ASB4: variants seen among roughly 807,000 people sequenced by gnomAD.
ASB4 encodes the protein ankyrin repeat and SOCS box protein 4.
Under a neutral mutation model 38.6 loss-of-function variants are expected in ASB4, and 35 were observed. The observed-to-expected ratio is 0.91, with a 90% CI of 0.69 to 1.20. The LOEUF (loss-of-function observed/expected upper bound fraction) is 1.20, where lower values mean the gene tolerates loss of function less well. ASB4 is among the 50% of genes most tolerant of loss of function. The probability of loss-of-function intolerance (pLI) is 0.00; values close to 1 mark genes in which losing one functional copy is unlikely to be tolerated. For missense variants in ASB4, 557 were observed against 527.2 expected, an observed-to-expected ratio of 1.06 and a Z score of -0.55; for synonymous variants, 195 against 201.3, an observed-to-expected ratio of 0.97 and a Z score of 0.26.
intron 2 of ASB4, among the ~76,000 whole-genome samples, chr7:95,510,351 T>A (rs1383884544): frequency 6.6e-6 from 1 of 152,190 alleles, no homozygotes; most frequent in African/African-American, 2.4e-5. Flanking sequence ...CTGGATTTGC[T>A]CCAACAAGGG....
the ASB4 span, among the ~76,000 whole-genome samples, chr7:95,550,132 A>G: frequency 0.43 from 65,166 of 152,032 alleles, 14,341 homozygotes; most frequent in East Asian, 0.82. Context: ...AGGTTCCCTA[A>G]AAATTTATCT....
chr7:95,490,233 C>G (rs1325652894), intron 1 of ASB4, among the ~76,000 whole-genome samples: 1 of 152,214 alleles, frequency 6.6e-6, no homozygotes, highest in East Asian at 1.9e-4. Context: ...TGTGAAAGCT[C>G]TTATTTCCAC....
intron 2 of ASB4, among the ~76,000 whole-genome samples, chr7:95,510,682 T>C (rs1400424640): frequency 6.6e-6 from 1 of 152,184 alleles, no homozygotes; most frequent in Non-Finnish European, 1.5e-5. Flanking sequence ...AGAGGAAAAG[T>C]AGTAATCACA....
At chr7:95,503,742 G>A (rs1790371572) in intron 2 of ASB4, among the ~76,000 whole-genome samples, 1 of 152,160 alleles carries the variant, frequency 6.6e-6, no homozygotes, top group Admixed American at 6.5e-5. Flanking sequence ...ACAGAAGTCC[G>A]TTAGAGGAAG....
chr7:95,514,920 G>GA (rs1298452065), intron 2 of ASB4, among the ~76,000 whole-genome samples: 3 of 152,180 alleles, frequency 2.0e-5, no homozygotes, highest in Non-Finnish European at 4.4e-5. Context: ...GGGAGCTGGA[G>GA]AAAAAACTTC....
At chr7:95,487,615 TG>T (rs1056045620) in intron 1 of ASB4, among the ~76,000 whole-genome samples, 9 of 151,598 alleles carry the variant, frequency 5.9e-5, no homozygotes, top group Admixed American at 5.3e-4. Context: ...AGGGGAGAGG[TG>T]GGGTTGGTTC....
At chr7:95,488,976 G>A (rs747027560) in intron 1 of ASB4, among the ~76,000 whole-genome samples, 5 of 152,162 alleles carry the variant, frequency 3.3e-5, no homozygotes, top group Non-Finnish European at 5.9e-5. Context: ...ACATTTGATA[G>A]TCCTATAGAA....
chr7:95,499,768 A>G (rs1790305980), intron 2 of ASB4, among the ~76,000 whole-genome samples: 1 of 152,104 alleles, frequency 6.6e-6, no homozygotes, highest in African/African-American at 2.4e-5. Context: ...GAAATGATTC[A>G]TAGAAAGAAA....
At chr7:95,536,596 C>A in intron 4 of ASB4, 46 bp downstream of exon 4, 1 of 1,384,270 alleles carries the variant, frequency 7.2e-7, no homozygotes, top group African/African-American at 1.4e-5. Context: ...TCAAGTACTT[C>A]CAGACTGCTC....
At chr7:95,471,357 T>C in the ASB4 span, among the ~76,000 whole-genome samples, 2 of 152,332 alleles carry the variant, frequency 1.3e-5, no homozygotes, top group South Asian at 4.1e-4. Flanking sequence ...GTGAATTCTG[T>C]TCTTGCCCTT....
chr7:95,551,228 G>T, the ASB4 span, among the ~76,000 whole-genome samples: 1 of 152,116 alleles, frequency 6.6e-6, no homozygotes, highest in Non-Finnish European at 1.5e-5. Context: ...ACATCCACTC[G>T]GCTTGGCCTC....
At chr7:95,473,073 T>C in the ASB4 span, among the ~76,000 whole-genome samples, 1 of 152,132 alleles carries the variant, frequency 6.6e-6, no homozygotes, top group East Asian at 1.9e-4. Flanking sequence ...GGACGGGCAG[T>C]GAGCTGATTT....
chr7:95,487,641 G>A (rs988948298), intron 1 of ASB4, among the ~76,000 whole-genome samples: 20 of 152,120 alleles, frequency 1.3e-4, no homozygotes, highest in African/African-American at 4.8e-4. Flanking sequence ...ACTTCCACCG[G>A]TGTCATCTTC....
chr7:95,537,344 A>G (rs974504195), intron 4 of ASB4, among the ~76,000 whole-genome samples: 1 of 152,182 alleles, frequency 6.6e-6, no homozygotes, highest in Non-Finnish European at 1.5e-5. Context: ...TGCATATTTT[A>G]TCTTATCTCC....
At position 95,527,978 on chromosome 7, in the gene ASB4, G is replaced by A; in HGVS notation, c.653G>A (p.Trp218Ter). The change falls in exon 3 of 5, where the codon TGG (tryptophan) becomes TAG (stop). Residue 218 changes from tryptophan (W) to a stop codon, truncating the protein, a stop_gained. Coordinates refer to ENST00000325885, the MANE Select transcript of ASB4 (RefSeq NM_016116.3). LOFTEE classifies it high-confidence loss of function. ...METPLAIAAY[W>*]ALRFKEQEYS... ...ACCCCCCTGGCCATCGCCGCCTACT[G>A]GGCCCTCCGCTTTAAGGAGCAGGAG... 1 of 1,614,072 alleles carries A rather than the reference G, an allele frequency of 6.2e-7. No individual in the cohort carries two copies. Among genetic ancestry groups the A allele is most frequent in the Non-Finnish European group, 8.5e-7 (1 of 1,180,022 alleles).
chr7:95,479,110 T>A (rs990602672), intron 1 of ASB4, among the ~76,000 whole-genome samples: 2 of 152,170 alleles, frequency 1.3e-5, no homozygotes, highest in African/African-American at 4.8e-5. Flanking sequence ...CCCTAAAGGC[T>A]GAGGAGTGTG....
intron 2 of ASB4, among the ~76,000 whole-genome samples, chr7:95,525,383 T>C (rs112097711): frequency 0.034 from 5,199 of 152,264 alleles, 111 homozygotes; most frequent in Middle Eastern, 0.075. Flanking sequence ...ATGTTTCTGG[T>C]CTCTAATTTA....
chr7:95,479,452 T>C (rs1295269225), intron 1 of ASB4, among the ~76,000 whole-genome samples: 1 of 152,232 alleles, frequency 6.6e-6, no homozygotes, highest in Non-Finnish European at 1.5e-5. Flanking sequence ...TTGATCTGTA[T>C]TGTTATAAAA....
downstream of ASB4, among the ~76,000 whole-genome samples, chr7:95,544,807 A>T (rs1791011165): frequency 3.9e-5 from 6 of 152,086 alleles, no homozygotes; most frequent in South Asian, 1.2e-3. Flanking sequence ...GGATTCTGTC[A>T]TGTCAGCCTC....
Sources: gnomAD v4.1 joint callset for allele counts (sites outside exome capture counted in the v4.1 genomes callset) on GRCh38, gnomAD v4.1.1 for gene constraint, MANE v1.5 for transcripts, NCBI Gene and HGNC (gene_info 2026-07-23, HGNC 2026-07-21) for gene names.